The following TSHZ2 variants were observed in gnomAD, a reference collection of about 807,000 sequenced individuals.
The protein encoded by TSHZ2 is teashirt homolog 2.
Under a neutral mutation model 74.4 loss-of-function variants are expected in TSHZ2, and 21 were observed. The ratio of observed to expected loss-of-function variants is 0.28; its 90% CI spans 0.20 to 0.41. TSHZ2 has a LOEUF of 0.41. Ranked by LOEUF, TSHZ2 falls within the 10% of genes least tolerant of loss-of-function variation. The probability of loss-of-function intolerance (pLI) is 1.00; values close to 1 mark genes in which losing one functional copy is unlikely to be tolerated. For synonymous variants in TSHZ2, 540 were observed against 515.3 expected, an observed-to-expected ratio of 1.05 and a Z score of -0.65; for missense variants, 1,244 against 1,293.5, an observed-to-expected ratio of 0.96 and a Z score of 0.59.
At position 53,448,479 on chromosome 20, in the gene TSHZ2, G is replaced by A. The variant is rs929109536; in HGVS notation, c.*9-38665G>A. Among the ~76,000 whole-genome samples, 5 of 152,156 alleles carry A rather than the reference G, an allele frequency of 3.3e-5. No homozygotes were observed. In the South Asian group the frequency reaches 6.2e-4, roughly 19 times the overall value. Reference sequence around the variant, plus strand: ...TTTCCTGAGAAAGGAACTCAGATAAGACAAATGTAACTTTCTCAAGTTTTA... The same window carrying A: ...TTTCCTGAGAAAGGAACTCAGATAAAACAAATGTAACTTTCTCAAGTTTTA... On this transcript the variant is annotated intron_variant, in intron 2 of 2. Transcript: ENST00000371497.
chr20:53,212,555 T>G (rs948751094), intron 1 of TSHZ2, among the ~76,000 whole-genome samples: 5 of 152,100 alleles, frequency 3.3e-5, no homozygotes, highest in Non-Finnish European at 7.3e-5. Context: ...GGGAGGGATA[T>G]CGTTTATATA....
chr20:53,350,362 C>A (rs1360415953), intron 2 of TSHZ2, among the ~76,000 whole-genome samples: 2 of 152,202 alleles, frequency 1.3e-5, no homozygotes, highest in African/African-American at 4.8e-5. Flanking sequence ...TGGAGTTAGC[C>A]ACTGGAATCC....
intron 2 of TSHZ2, among the ~76,000 whole-genome samples, chr20:53,286,888 C>G (rs1991177817): frequency 3.6e-5 from 2 of 55,622 alleles, no homozygotes; most frequent in South Asian, 1.6e-3. Context: ...CTCAAAAATA[C>G]ACACACACAC....
At chr20:53,402,072 C>T (rs923050609) in intron 2 of TSHZ2, among the ~76,000 whole-genome samples, 29 of 152,266 alleles carry the variant, frequency 1.9e-4, no homozygotes, top group Middle Eastern at 3.4e-3. Flanking sequence ...CGTGAGCCAC[C>T]GTGCCCAGCC....
intron 1 of TSHZ2, among the ~76,000 whole-genome samples, chr20:53,115,556 C>G (rs2043903737): frequency 6.6e-6 from 1 of 152,106 alleles, no homozygotes; most frequent in Non-Finnish European, 1.5e-5. Context: ...TATAAATTAC[C>G]CAGTCTCAAG....
intron 2 of TSHZ2, among the ~76,000 whole-genome samples, chr20:53,337,921 T>C (rs531043336): frequency 3.3e-5 from 5 of 152,358 alleles, no homozygotes; most frequent in African/African-American, 1.2e-4. Context: ...AATCACTGAT[T>C]GGAATATGGT....
At chr20:53,108,480 C>A (rs1474197158) in intron 1 of TSHZ2, among the ~76,000 whole-genome samples, 8 of 152,100 alleles carry the variant, frequency 5.3e-5, no homozygotes, top group Non-Finnish European at 8.8e-5. Context: ...TACGTGTTAC[C>A]CTCAACACAA....
At chr20:53,455,313 T>C (rs1931433) in intron 2 of TSHZ2, 51,144 of 151,942 alleles carry the variant, frequency 0.34, 8,916 homozygotes, top group Non-Finnish European at 0.36. Context: ...CCCTCTGGAA[T>C]GCAAACTTAC....
At chr20:53,427,346 A>G (rs751891625) in intron 2 of TSHZ2, among the ~76,000 whole-genome samples, 1 of 152,218 alleles carries the variant, frequency 6.6e-6, no homozygotes, top group Non-Finnish European at 1.5e-5. Context: ...CATAAAGAGA[A>G]TCAAACCTTT....
chr20:53,047,993 A>G (rs6063904), intron 1 of TSHZ2, among the ~76,000 whole-genome samples: 1 of 152,030 alleles, frequency 6.6e-6, no homozygotes, highest in East Asian at 1.9e-4. Context: ...CCAAGTTAGT[A>G]AACAGGTTCG....
At chr20:53,347,278 C>T (rs1980474902) in intron 2 of TSHZ2, among the ~76,000 whole-genome samples, 1 of 152,184 alleles carries the variant, frequency 6.6e-6, no homozygotes, top group South Asian at 2.1e-4. Context: ...GTAGCACTCC[C>T]ATTCCTGAGT....
intron 1 of TSHZ2, among the ~76,000 whole-genome samples, chr20:53,114,133 A>G (rs946648420): frequency 6.6e-6 from 1 of 151,718 alleles, no homozygotes; most frequent in Non-Finnish European, 1.5e-5. Flanking sequence ...AAAATGGTCC[A>G]TACACATTTC....
chr20:53,319,646 G>A (rs1256189741), intron 2 of TSHZ2, among the ~76,000 whole-genome samples: 2 of 152,240 alleles, frequency 1.3e-5, no homozygotes, highest in African/African-American at 2.4e-5. Context: ...ATGGAGCAAA[G>A]CAGAGGGGAC....
At chr20:53,129,789 T>A (rs1987052009) in intron 1 of TSHZ2, among the ~76,000 whole-genome samples, 1 of 151,916 alleles carries the variant, frequency 6.6e-6, no homozygotes, top group Non-Finnish European at 1.5e-5. Flanking sequence ...TAACCTTCGG[T>A]TGGATGATCC....
At chr20:52,997,895 T>A (rs1323076983) in intron 1 of TSHZ2, among the ~76,000 whole-genome samples, 3 of 152,214 alleles carry the variant, frequency 2.0e-5, no homozygotes, top group Admixed American at 2.0e-4. Context: ...GCCTTACATC[T>A]TCCTACTCAA....
chr20:53,022,955 T>G lies in TSHZ2; in HGVS notation c.40+49622T>G, dbSNP rs760168840. Among the ~76,000 whole-genome samples the G allele has an allele frequency of 7.8e-4, 118 of 151,554 alleles. 1 individual carries two copies. The highest frequency in any genetic ancestry group is 1.3e-3 in the Non-Finnish European group (85 of 67,630). ...GATGCATTGTGTGTTATTGCTTCTC[T>G]TCTTGTCTAAACTGGTTTTCCAGGA... On this transcript the variant is annotated intron_variant, in intron 1 of 2. Coordinates refer to ENST00000371497, the MANE Select transcript of TSHZ2 (RefSeq NM_173485.6).
intron 2 of TSHZ2, among the ~76,000 whole-genome samples, chr20:53,443,341 T>C (rs974453908): frequency 2.6e-5 from 4 of 152,210 alleles, no homozygotes; most frequent in Admixed American, 2.6e-4. Context: ...ACATGGGAAG[T>C]ACCGTTTTAA....
intron 1 of TSHZ2, among the ~76,000 whole-genome samples, chr20:53,171,204 AGC>A (rs1213517796): frequency 6.6e-6 from 1 of 152,222 alleles, no homozygotes; most frequent in East Asian, 1.9e-4. Context: ...TGTGCTCTCA[AGC>A]GTGTCCCCTT....
chr20:52,995,844 TCTC>T (rs1982167048), intron 1 of TSHZ2, among the ~76,000 whole-genome samples: 1 of 151,750 alleles, frequency 6.6e-6, no homozygotes, highest in Non-Finnish European at 1.5e-5. Context: ...CTGGTCTTGA[TCTC>T]CTGACCTCAG....
Sources: gnomAD v4.1 joint callset for allele counts (sites outside exome capture counted in the v4.1 genomes callset) on GRCh38, gnomAD v4.1.1 for gene constraint, MANE v1.5 for transcripts, NCBI Gene and HGNC (gene_info 2026-07-23, HGNC 2026-07-21) for gene names.